Variants in SLC45A4 observed in about 807,000 individuals in gnomAD.
SLC45A4 encodes the protein polyamine-transporter SLC45A4.
A neutral mutation model predicts 63.7 loss-of-function variants in SLC45A4; 32 were observed. The observed-to-expected ratio is 0.50, with a 90% confidence interval of 0.38 to 0.67. SLC45A4 has a LOEUF of 0.67. Ranked by LOEUF, SLC45A4 falls within the 30% of genes least tolerant of loss-of-function variation. The pLI, the probability that SLC45A4 is intolerant of heterozygous loss-of-function variation, is 0.00. For missense variants in SLC45A4, 1,027 were observed against 1,157.7 expected, an observed-to-expected ratio of 0.89 and a Z score of 1.64; for synonymous variants, 535 against 510.0, an observed-to-expected ratio of 1.05 and a Z score of -0.66.
chr8:141,221,566 G>T lies in SLC45A4; in HGVS notation c.430+11C>A. On this transcript the variant is annotated intron_variant, in intron 3 of 8. Coordinates refer to ENST00000517878, the MANE Select transcript of SLC45A4 (RefSeq NM_001286646.2). ...TGTTGTGAGGACACCAGGTGTGGCC[G>T]AGAAACTTACCGATGGCAGAGCCGT... The T allele has an allele frequency of 6.2e-7, 1 of 1,610,032 alleles. No individual in the cohort carries two copies. The highest frequency in any genetic ancestry group is 1.1e-5 in the South Asian group (1 of 90,844).
chr8:141,215,102 T>C lies in SLC45A4; in HGVS notation c.1941+657A>G, dbSNP rs191783896. 6.6e-6 allele frequency among the ~76,000 whole-genome samples: 1 copy of C among 152,140 alleles called. No individual in the cohort carries two copies. On this transcript the variant is annotated intron_variant, in intron 7 of 8. Coordinates refer to ENST00000517878, the MANE Select transcript of SLC45A4 (RefSeq NM_001286646.2). This position sits in a 1 kb window ranked among gnomAD's most constrained non-coding sequence, Gnocchi z 4.3. Reference sequence around the variant, plus strand: ...TGCCGCCAGCAAGCACGTGAGTGAATCCTAGAGGATGAAGCCAGATGTTTC... The same window carrying C: ...TGCCGCCAGCAAGCACGTGAGTGAACCCTAGAGGATGAAGCCAGATGTTTC...
At chr8:141,238,288 C>T (rs1032776351) in intron 2 of SLC45A4, among the ~76,000 whole-genome samples, 1 of 151,638 alleles carries the variant, frequency 6.6e-6, no homozygotes, top group African/African-American at 2.4e-5. Context: ...AAAGTCGCCC[C>T]TTTTTTTTTC....
intron 1 of SLC45A4, among the ~76,000 whole-genome samples, chr8:141,293,329 CT>C (rs1335235081): frequency 6.6e-6 from 1 of 152,096 alleles, no homozygotes; most frequent in Non-Finnish European, 1.5e-5. Context: ...TGGCAGGTGC[CT>C]GTAATCCCAG....
At position 141,225,722 on chromosome 8, in the gene SLC45A4, G is replaced by C. The variant is rs533624760; in HGVS notation, c.242-3957C>G. On this transcript the variant is annotated intron_variant, in intron 2 of 8. Coordinates refer to ENST00000517878, the MANE Select transcript of SLC45A4 (RefSeq NM_001286646.2). ...GGGAGACAAGAAGGCACAGGGCACT[G>C]GGGGGAACCGCTAGGCCCGGGCCAG... 3.4e-4 allele frequency: 52 copies of C among 152,688 alleles called. 1 individual carries two copies. The highest frequency in any genetic ancestry group is 9.9e-4 in the African/African-American group (41 of 41,570). 9.5% of individuals were successfully genotyped at this position (152,688 alleles called of 1,614,324 possible). A position where few individuals can be genotyped will look rare whatever the true frequency, so the allele number is the denominator to read the frequency against.
At chr8:141,236,681 G>A (rs1207364273) in intron 2 of SLC45A4, among the ~76,000 whole-genome samples, 2 of 152,154 alleles carry the variant, frequency 1.3e-5, no homozygotes, top group Non-Finnish European at 2.9e-5. Context: ...GCTTTTAATG[G>A]CAAAGTAACT....
At position 141,218,500 on chromosome 8, in the gene SLC45A4, T is replaced by C; in HGVS notation, c.1140A>G (p.Glu380=). ...AGCCACTTCCGTTTGGGACTTTAGC[T>C]TCATTCAAGTGATTATCCAGCAAGG... ...DETLLDNHLN[E]AKVPNGSGSP... Residue 380 remains glutamate, a synonymous_variant, in exon 5 of 9, where the codon GAA becomes GAG. Transcript: ENST00000517878. 1.2e-6 allele frequency: 2 copies of C among 1,613,426 alleles called. No individual in the cohort carries two copies. Among genetic ancestry groups the C allele is most frequent in the Non-Finnish European group, 1.7e-6 (2 of 1,179,930 alleles).
chr8:141,307,611 G>T (rs1830938707), intron 1 of SLC45A4, among the ~76,000 whole-genome samples: 1 of 152,098 alleles, frequency 6.6e-6, no homozygotes, highest in Non-Finnish European at 1.5e-5. Flanking sequence ...GCCACTTCGC[G>T]AGTGGTGTAT....
Position 141,218,412 on chromosome 8 carries a change from T to C in SLC45A4, c.1228A>G (p.Ser410Gly). Residue 410 changes from serine to glycine, a missense_variant, in exon 5 of 9, where the codon AGC becomes GGC. Physicochemically the swap from Ser to Gly is moderately conservative, Grantham distance 56. Transcript: ENST00000517878. ...RVDTKPSATS[S>G]SMRRRRHAFR... ...GCGTGCCGCCGCCGCCGCATGGAGC[T>C]CGACGTGGCCGAGGGCTTCGTGTCC... is the stretch of plus-strand genomic sequence containing the variant. The C allele has an allele frequency of 1.9e-6, 3 of 1,610,716 alleles. No homozygotes were observed. Among genetic ancestry groups the C allele is most frequent in the South Asian group, 1.1e-5 (1 of 91,074 alleles).
At chr8:141,250,554 T>C (rs980601049) in intron 2 of SLC45A4, among the ~76,000 whole-genome samples, 1 of 152,060 alleles carries the variant, frequency 6.6e-6, no homozygotes, top group Admixed American at 6.5e-5. Context: ...TCCAGCTAAT[T>C]TTTTATTTTT....
At chr8:141,213,737 C>T (rs1173134872) in intron 7 of SLC45A4, among the ~76,000 whole-genome samples, 1 of 152,084 alleles carries the variant, frequency 6.6e-6, no homozygotes, top group African/African-American at 2.4e-5. Flanking sequence ...ACTAAGACGC[C>T]GAAAGTTCTT....
chr8:141,259,645 C>T lies in SLC45A4; in HGVS notation c.-400-5016G>A, dbSNP rs1270385846. Among the ~76,000 whole-genome samples the T allele has an allele frequency of 3.3e-5, 5 of 152,250 alleles. No individual in the cohort carries two copies. The East Asian group carries it at 9.7e-4, about 29-fold the overall frequency. ...GGACCCCTTTAGAACGGGTGATCCC[C>T]ATCTTGCACAAAGGATTATGACAGC... is the stretch of plus-strand genomic sequence containing the variant. On this transcript the variant is annotated intron_variant, in intron 1 of 8. Coordinates refer to ENST00000517878, the MANE Select transcript of SLC45A4 (RefSeq NM_001286646.2).
intron 2 of SLC45A4, chr8:141,226,252 G>C (rs1265616768): frequency 6.6e-6 from 1 of 152,312 alleles, no homozygotes; most frequent in Non-Finnish European, 1.5e-5. Flanking sequence ...CTGGCACTTG[G>C]CACATTCAAA....
chr8:141,212,310 G>C lies in SLC45A4; in HGVS notation c.2188C>G (p.Leu730Val). 2 of 1,610,730 alleles carry C rather than the reference G, an allele frequency of 1.2e-6. No individual in the cohort carries two copies. The highest frequency in any genetic ancestry group is 1.7e-6 in the Non-Finnish European group (2 of 1,177,846). Residue 730 changes from leucine to valine, a missense_variant, in exon 8 of 9, where the codon CTG becomes GTG. Physicochemically the swap from Leu to Val is conservative, Grantham distance 32. Coordinates refer to ENST00000517878, the MANE Select transcript of SLC45A4 (RefSeq NM_001286646.2). ...CCTTCGCCGGCCAACGGGGAAGACA[G>C]GCCTTTCTGCTCCTCCTTGGCCTCC... ...SEEAKEEQKG[L>V]SSPLAGEGRA...
chr8:141,256,034 G>A lies in SLC45A4; in HGVS notation c.-400-1405C>T, dbSNP rs1319432117. On this transcript the variant is annotated intron_variant, in intron 1 of 8. Coordinates refer to ENST00000517878, the MANE Select transcript of SLC45A4 (RefSeq NM_001286646.2). This position sits in a 1 kb window ranked among gnomAD's most constrained non-coding sequence, Gnocchi z 4.3. ...CGGAACCCTATCACCCCAACCCTCG[G>A]CTTTCCACCACCCTGCCTCCAGTGA... is the stretch of plus-strand genomic sequence containing the variant. Among the ~76,000 whole-genome samples, 1 of 152,020 alleles carries A rather than the reference G, an allele frequency of 6.6e-6. No individual in the cohort carries two copies. The highest frequency in any genetic ancestry group is 1.9e-4 in the East Asian group (1 of 5,180).
At chr8:141,216,059 A>G in intron 6 of SLC45A4, 89 bp from the exon 7 acceptor site, 1 of 1,166,926 alleles carries the variant, frequency 8.6e-7, no homozygotes, top group Non-Finnish European at 1.2e-6. Flanking sequence ...CGCCCCCCAC[A>G]TCCCCCCGAC....
At chr8:141,306,372 T>C (rs1830898622) in intron 1 of SLC45A4, among the ~76,000 whole-genome samples, 1 of 152,222 alleles carries the variant, frequency 6.6e-6, no homozygotes, top group African/African-American at 2.4e-5. Context: ...ACGACCTAGT[T>C]CCCCAGCCTC....
rs1318340808 is a variant in SLC45A4, at chr8:141,218,065, C to T, written c.1575G>A (p.Glu525=). Residue 525 remains glutamate (E), a synonymous_variant, in exon 5 of 9, where the codon GAG becomes GAA. Transcript: ENST00000517878. The stretch of plus-strand genomic sequence containing the variant: ...CCATGAAGTCGGTGTAGAACACGGC[C>T]TCGGCGATGACAGAGAACCAGGTGA... The part of the protein sequence containing the change: ...HLLTWFSVIA[E]AVFYTDFMGQ... 1 of 1,603,400 alleles carries T rather than the reference C, an allele frequency of 6.2e-7. No individual in the cohort carries two copies. Among genetic ancestry groups the T allele is most frequent in the Non-Finnish European group, 8.5e-7 (1 of 1,175,238 alleles).
At chr8:141,232,917 T>C (rs559206323) in intron 2 of SLC45A4, among the ~76,000 whole-genome samples, 62 of 152,318 alleles carry the variant, frequency 4.1e-4, no homozygotes, top group Non-Finnish European at 8.2e-4. Flanking sequence ...TTCCATGGTG[T>C]AGATGCTACC....
intron 1 of SLC45A4, among the ~76,000 whole-genome samples, chr8:141,301,305 G>C (rs948767194): frequency 3.3e-5 from 5 of 152,180 alleles, no homozygotes; most frequent in African/African-American, 1.2e-4. Flanking sequence ...TGTTTATCAA[G>C]ATCAATGATA....
Sources: allele counts gnomAD v4.1 joint callset (sites outside exome capture counted in the v4.1 genomes callset), GRCh38; gene constraint gnomAD v4.1.1; non-coding constraint Gnocchi (gnomAD v3.1); transcripts MANE v1.5; gene names NCBI Gene and HGNC (gene_info 2026-07-23, HGNC 2026-07-21).